RIMS2: variants seen among roughly 807,000 people sequenced by gnomAD.
The protein encoded by RIMS2 is regulating synaptic membrane exocytosis protein 2.
A neutral mutation model predicts 174.4 loss-of-function variants in RIMS2; 59 were observed. The observed-to-expected ratio is 0.34, with a 90% CI of 0.27 to 0.42. The LOEUF (loss-of-function observed/expected upper bound fraction) is 0.42, where lower values mean the gene tolerates loss of function less well. RIMS2 is among the 10% of genes least tolerant of loss of function. The probability of loss-of-function intolerance (pLI) is 1.00; values close to 1 mark genes in which losing one functional copy is unlikely to be tolerated. For missense variants in RIMS2, 1,620 were observed against 1,666.3 expected (o/e 0.97, Z 0.48); for synonymous variants, 606 against 572.5 (o/e 1.06, Z -0.84).
intron 15 of RIMS2, 88 bp downstream of exon 17, chr8:103,961,221 G>T (rs567297437): frequency 1.4e-6 from 1 of 740,508 alleles, no homozygotes; most frequent in Non-Finnish European, 2.4e-6. Flanking sequence ...AAAAGAGAAA[G>T]ATATAACTCG....
chr8:103,723,438 G>A (rs562445890), intron 2 of RIMS2, among the ~76,000 whole-genome samples: 2 of 152,344 alleles, frequency 1.3e-5, no homozygotes, highest in South Asian at 2.1e-4. Flanking sequence ...GCTTGCTGCT[G>A]GAGTCTGTGG....
chr8:103,634,458 G>A (rs1335709804), intron 1 of RIMS2, among the ~76,000 whole-genome samples: 2 of 152,138 alleles, frequency 1.3e-5, no homozygotes, highest in African/African-American at 4.8e-5. Flanking sequence ...TGATTTTAGA[G>A]TATGTTCCAT....
intron 19 of RIMS2, among the ~76,000 whole-genome samples, chr8:104,086,050 A>G (rs1463323052): frequency 6.6e-6 from 1 of 152,028 alleles, no homozygotes; most frequent in Admixed American, 6.6e-5. Flanking sequence ...AAAGATGGGA[A>G]CTTTGAGAAA....
intron 2 of RIMS2, among the ~76,000 whole-genome samples, chr8:103,734,592 C>T (rs919574950): frequency 6.6e-6 from 1 of 151,658 alleles, no homozygotes; most frequent in East Asian, 2.0e-4. Context: ...GGAGTATCTG[C>T]AGGTTTTCTC....
chr8:103,898,045 C>T (rs1016443790), intron 4 of RIMS2, among the ~76,000 whole-genome samples: 2 of 151,532 alleles, frequency 1.3e-5, no homozygotes, highest in Non-Finnish European at 2.9e-5. Context: ...GTGGTAGGTA[C>T]AAGAGGTAAT....
chr8:103,758,855 TAGAG>T (rs2098068734), intron 2 of RIMS2, among the ~76,000 whole-genome samples: 1 of 152,122 alleles, frequency 6.6e-6, no homozygotes, highest in Admixed American at 6.5e-5. Context: ...GGAAAAGTAA[TAGAG>T]AGGGTTAAAA....
intron 19 of RIMS2, among the ~76,000 whole-genome samples, chr8:104,107,573 TAG>T (rs2131512942): frequency 6.6e-6 from 1 of 152,346 alleles, no homozygotes; most frequent in Admixed American, 6.5e-5. Context: ...TCCAAAGGAA[TAG>T]AGCTTCCAAC....
chr8:103,725,064 A>G (rs978502583), intron 2 of RIMS2, among the ~76,000 whole-genome samples: 2 of 152,166 alleles, frequency 1.3e-5, no homozygotes, highest in Non-Finnish European at 2.9e-5. Flanking sequence ...TATGTGAACA[A>G]AACTAAATTT....
At chr8:103,754,507 C>A (rs1167010295) in intron 2 of RIMS2, among the ~76,000 whole-genome samples, 1 of 152,154 alleles carries the variant, frequency 6.6e-6, no homozygotes, top group East Asian at 1.9e-4. Context: ...TCTCATTGAT[C>A]TGTCTCTTGT....
intron 6 of RIMS2, 147 bp downstream of exon 9, chr8:103,912,319 A>T: frequency 2.1e-6 from 1 of 469,708 alleles, no homozygotes; most frequent in Non-Finnish European, 3.7e-6. Flanking sequence ...ATTATCTAAA[A>T]CATTTCATTT....
At chr8:103,791,696 C>A (rs2154443704) in intron 3 of RIMS2, among the ~76,000 whole-genome samples, 1 of 152,130 alleles carries the variant, frequency 6.6e-6, no homozygotes, top group East Asian at 1.9e-4. Context: ...CAGAGACACA[C>A]ATAGACTCAA....
intron 19 of RIMS2, among the ~76,000 whole-genome samples, chr8:104,152,460 C>T (rs1384691889): frequency 6.6e-6 from 1 of 152,020 alleles, no homozygotes; most frequent in Admixed American, 6.5e-5. Context: ...TTCAAACTTC[C>T]AATGGGTTTC....
intron 19 of RIMS2, among the ~76,000 whole-genome samples, chr8:104,028,076 T>C (rs4734742): frequency 0.66 from 99,642 of 151,388 alleles, 33,478 homozygotes; most frequent in Middle Eastern, 0.71. Context: ...ACTACAGGCA[T>C]ATGCCACTAT....
At chr8:103,823,769 C>T (rs1307991070) in intron 3 of RIMS2, among the ~76,000 whole-genome samples, 1 of 149,310 alleles carries the variant, frequency 6.7e-6, no homozygotes, top group East Asian at 2.0e-4. Flanking sequence ...AGCATGCTTA[C>T]TTTTCATAGT....
intron 1 of RIMS2, among the ~76,000 whole-genome samples, chr8:103,617,290 G>A (rs1278142985): frequency 6.6e-6 from 1 of 152,134 alleles, no homozygotes. Context: ...AATGGTGCTG[G>A]GTTAACTGGC....
intron 1 of RIMS2, chr8:103,568,866 G>T: frequency 8.7e-7 from 1 of 1,152,910 alleles, no homozygotes; most frequent in Non-Finnish European, 1.3e-6. Context: ...GTTAATTGCT[G>T]TCTGAATATT....
intron 14 of RIMS2, among the ~76,000 whole-genome samples, chr8:103,953,612 G>A (rs1386026168): frequency 6.6e-6 from 1 of 152,070 alleles, no homozygotes; most frequent in Non-Finnish European, 1.5e-5. Flanking sequence ...CACTAAACAT[G>A]GAAAGGAACA....
chr8:104,134,177 C>T (rs2098498615), intron 19 of RIMS2, among the ~76,000 whole-genome samples: 3 of 152,062 alleles, frequency 2.0e-5, no homozygotes, highest in Admixed American at 6.6e-5. Flanking sequence ...ATTCAAGATA[C>T]TTTGGGGCCA....
At chr8:103,920,728 G>A (rs2077451115) in intron 9 of RIMS2, 4 of 456,410 alleles carry the variant, frequency 8.8e-6, no homozygotes, top group South Asian at 3.1e-5. Flanking sequence ...GGTGGCTCAC[G>A]CGTGTAATCC....
Sources: allele counts gnomAD v4.1 joint callset (sites outside exome capture counted in the v4.1 genomes callset), GRCh38; gene constraint gnomAD v4.1.1; transcripts MANE v1.5; gene names NCBI Gene and HGNC (gene_info 2026-07-23, HGNC 2026-07-21).